APP: variants seen among roughly 807,000 people sequenced by gnomAD.
The protein encoded by APP is amyloid-beta precursor protein.
In APP, 31 loss-of-function variants were observed where a neutral mutation model predicts 101.4. The observed-to-expected ratio is 0.31, with a 90% confidence interval of 0.23 to 0.41. The LOEUF is 0.41. Among genes scored for constraint, APP ranks in the 10% least tolerant of loss-of-function variants. APP has a pLI of 1.00. For synonymous variants in APP, 366 were observed against 364.4 expected, an observed-to-expected ratio of 1.00 and a Z score of -0.05; for missense variants, 839 against 1,003.7, an observed-to-expected ratio of 0.84 and a Z score of 2.22.
rs371525806 is a variant in APP at position 26,051,579 on chromosome 21, C to T, written c.469-386G>A. 3.2e-4 allele frequency among the ~76,000 whole-genome samples: 49 copies of T among 152,286 alleles called. 1 individual carries two copies. The highest frequency in any genetic ancestry group is 1.5e-3 in the Admixed American group (23 of 15,294). ...GCGCATTCCAGGTAGATCCCCAGCT[C>T]ACTCCTACCTCCCTTACAGATGGAA... On this transcript the variant is annotated intron_variant, in intron 4 of 17. Transcript: ENST00000346798.
At chr21:26,086,483 A>AT (rs1459593095) in intron 3 of APP, among the ~76,000 whole-genome samples, 1 of 151,774 alleles carries the variant, frequency 6.6e-6, no homozygotes, top group Non-Finnish European at 1.5e-5. Flanking sequence ...CATAACAAGC[A>AT]TTTTTCTCTC....
intron 7 of APP, 55 bp from the exon 8 acceptor site, chr21:25,997,471 A>G: frequency 6.9e-7 from 1 of 1,453,922 alleles, no homozygotes; most frequent in Non-Finnish European, 9.7e-7. Context: ...CATGGGAATG[A>G]TGGCTGAAAT....
intron 13 of APP, among the ~76,000 whole-genome samples, chr21:25,948,270 T>C (rs1030394067): frequency 6.6e-6 from 1 of 152,018 alleles, no homozygotes; most frequent in African/African-American, 2.4e-5. Context: ...GCTATAAATA[T>C]TCTATTTTAA....
At chr21:25,927,685 G>GT (rs11394554) in intron 13 of APP, among the ~76,000 whole-genome samples, 152,340 of 152,340 alleles carry the variant, frequency 1, 76,170 homozygotes, top group Non-Finnish European at 1. Context: ...GTAACAAACT[G>GT]CCCTGGAAGG....
chr21:25,951,683 C>G (rs959821457), intron 13 of APP, among the ~76,000 whole-genome samples: 1 of 151,864 alleles, frequency 6.6e-6, no homozygotes, highest in African/African-American at 2.4e-5. Flanking sequence ...AAGACATAAC[C>G]TGGAAAAAAA....
At chr21:26,067,635 T>C (rs989805754) in intron 3 of APP, among the ~76,000 whole-genome samples, 3 of 152,198 alleles carry the variant, frequency 2.0e-5, no homozygotes, top group African/African-American at 7.2e-5. Context: ...ATTAACCCTA[T>C]TGATCAGCAA....
intron 15 of APP, 125 bp downstream of exon 15, chr21:25,904,899 G>A (rs2038708061): frequency 4.8e-6 from 4 of 830,102 alleles, no homozygotes; most frequent in South Asian, 4.3e-5. Context: ...TGGTTTCTAA[G>A]GTCACTTCAA....
intron 1 of APP, among the ~76,000 whole-genome samples, chr21:26,114,349 C>G (rs1042587671): frequency 1.3e-5 from 2 of 152,088 alleles, no homozygotes. Flanking sequence ...ATTCATGGAC[C>G]CTGGGAAACT....
intron 5 of APP, among the ~76,000 whole-genome samples, chr21:26,024,092 A>T (rs990722922): frequency 1.3e-5 from 2 of 152,198 alleles, no homozygotes; most frequent in Non-Finnish European, 2.9e-5. Flanking sequence ...GGCATGGTTG[A>T]CAGCATTTGA....
At chr21:25,987,668 C>G (rs1021852444) in intron 8 of APP, among the ~76,000 whole-genome samples, 1 of 152,202 alleles carries the variant, frequency 6.6e-6, no homozygotes, top group Non-Finnish European at 1.5e-5. Flanking sequence ...TTTTGGATGA[C>G]TAACGCCTTC....
chr21:25,888,490 G>A (rs986955563), intron 17 of APP, among the ~76,000 whole-genome samples: 5 of 152,138 alleles, frequency 3.3e-5, no homozygotes, highest in Non-Finnish European at 5.9e-5. Context: ...TGCACAGAGG[G>A]CTGCTTTCAG....
At chr21:26,075,102 T>G (rs957954278) in intron 3 of APP, among the ~76,000 whole-genome samples, 1 of 152,234 alleles carries the variant, frequency 6.6e-6, no homozygotes, top group African/African-American at 2.4e-5. Flanking sequence ...ATCTTCTGTC[T>G]TTCTAATGTT....
chr21:26,108,285 A>G (rs1243462919), intron 2 of APP, among the ~76,000 whole-genome samples: 2 of 152,262 alleles, frequency 1.3e-5, no homozygotes, highest in African/African-American at 2.4e-5. Flanking sequence ...CAACATATTC[A>G]AAACATAACT....
chr21:26,024,367 T>G (rs539366283), intron 5 of APP, among the ~76,000 whole-genome samples: 3 of 152,042 alleles, frequency 2.0e-5, no homozygotes, highest in African/African-American at 7.2e-5. Context: ...CAGAGCTGAT[T>G]CTGGCCAACA....
intron 13 of APP, among the ~76,000 whole-genome samples, chr21:25,942,837 T>C (rs1181486725): frequency 1.3e-5 from 2 of 152,156 alleles, no homozygotes; most frequent in African/African-American, 2.4e-5. Context: ...GGGTATTAAG[T>C]ATATTTCACG....
intron 1 of APP, among the ~76,000 whole-genome samples, chr21:26,121,297 T>G (rs966264635): frequency 1.3e-5 from 2 of 152,242 alleles, no homozygotes; most frequent in Admixed American, 6.5e-5. Context: ...TGCAATTATA[T>G]TCCTGGGGGT....
intron 5 of APP, among the ~76,000 whole-genome samples, chr21:26,050,422 C>T (rs769617204): frequency 5.3e-5 from 8 of 151,982 alleles, no homozygotes; most frequent in Non-Finnish European, 7.4e-5. Flanking sequence ...TAAGAAGTAA[C>T]GGGACTAAGC....
intron 1 of APP, among the ~76,000 whole-genome samples, chr21:26,125,488 G>C (rs1312021741): frequency 6.6e-6 from 1 of 152,150 alleles, no homozygotes; most frequent in African/African-American, 2.4e-5. Flanking sequence ...GGTCTGACTG[G>C]AAGCACCAGG....
chr21:26,153,334 G>A (rs1009999959), intron 1 of APP, among the ~76,000 whole-genome samples: 36 of 152,070 alleles, frequency 2.4e-4, no homozygotes, highest in African/African-American at 8.2e-4. Context: ...CTAAACTTCA[G>A]TTCCTATTGT....
Sources: gnomAD v4.1 joint callset for allele counts (sites outside exome capture counted in the v4.1 genomes callset) on GRCh38, gnomAD v4.1.1 for gene constraint, MANE v1.5 for transcripts, NCBI Gene and HGNC (gene_info 2026-07-23, HGNC 2026-07-21) for gene names.